BOP1: variants seen among roughly 807,000 people sequenced by gnomAD.
BOP1 encodes ribosome biogenesis protein BOP1.
A neutral mutation model predicts 82.9 loss-of-function variants in BOP1; 54 were observed. The observed-to-expected ratio is 0.65, with a 90% CI of 0.52 to 0.82. The LOEUF (loss-of-function observed/expected upper bound fraction) is 0.82. Ranked by LOEUF, BOP1 falls within the 40% of genes least tolerant of loss-of-function variation. BOP1 has a pLI of 0.00. For synonymous variants in BOP1, 566 were observed against 451.1 expected, an observed-to-expected ratio of 1.25 and a Z score of -3.23; for missense variants, 1,170 against 1,072.0, an observed-to-expected ratio of 1.09 and a Z score of -1.28.
chr8:144,289,274 G>A lies in BOP1; in HGVS notation c.130C>T (p.His44Tyr), dbSNP rs782001952. 43 of 1,613,966 alleles carry A rather than the reference G, an allele frequency of 2.7e-5. No individual in the cohort carries two copies. The highest frequency in any genetic ancestry group is 3.6e-5 in the Non-Finnish European group (42 of 1,180,022). ...PPLLCTSPLSHSTGSDSGVSD... is the reference protein window; with the variant it reads ...PPLLCTSPLSYSTGSDSGVSD... ...ACGCCAGAATCGCTGCCGGTGCTGTGGCTGAGAGGAGAGGTGCAGAGGAGG... is the reference window on the plus strand; with the variant it reads ...ACGCCAGAATCGCTGCCGGTGCTGTAGCTGAGAGGAGAGGTGCAGAGGAGG... The change falls in exon 2 of 16, where the codon CAC becomes TAC. Residue 44 changes from histidine to tyrosine, a missense_variant. Coordinates refer to ENST00000569669, the MANE Select transcript of BOP1 (RefSeq NM_015201.5).
rs1440650014 is a variant in BOP1 at position 144,265,290 on chromosome 8, G to A, written c.391-219C>T. 1.5e-5 allele frequency: 9 copies of A among 611,144 alleles called. No individual in the cohort carries two copies. In the Admixed American group the frequency reaches 2.7e-4, roughly 18 times the overall value. The allele number at this position is 611,144 out of a possible 1,614,324, so 37.9% of individuals were successfully genotyped here. A position where few individuals can be genotyped will look rare whatever the true frequency, so the allele number is the denominator to read the frequency against. ...CACCCCCGCCCTCGGAGGCGCCGGA[G>A]CTGCACCTTCACATTTTCCACTGAA... On this transcript the variant is annotated intron_variant, in intron 3 of 15. Coordinates refer to ENST00000569669, the MANE Select transcript of BOP1 (RefSeq NM_015201.5).
intron 15 of BOP1, 24 bp from the exon 16 acceptor site, chr8:144,262,341 G>A (rs1845215013): frequency 6.2e-7 from 1 of 1,612,636 alleles, no homozygotes; most frequent in Non-Finnish European, 8.5e-7. Flanking sequence ...GAGGGCTCAG[G>A]GCACGGCCAG....
At chr8:144,288,590 C>T (rs1814948804) in intron 2 of BOP1, among the ~76,000 whole-genome samples, 1 of 152,106 alleles carries the variant, frequency 6.6e-6, no homozygotes, top group African/African-American at 2.4e-5. Context: ...TGCTTTTCTC[C>T]TGTTGTTCTC....
chr8:144,262,996 CGCTGCACCTGTCCGTG>C lies in BOP1; in HGVS notation c.1735_1750del (p.His579GlufsTer33), dbSNP rs1845261145. 1.3e-6 allele frequency: 2 copies of C among 1,555,316 alleles called. No individual in the cohort carries two copies. Among genetic ancestry groups the C allele is most frequent in the Non-Finnish European group, 1.7e-6 (2 of 1,158,092 alleles). On this transcript the variant is annotated frameshift_variant, in exon 13 of 16. Coordinates refer to ENST00000569669, the MANE Select transcript of BOP1 (RefSeq NM_015201.5). LOFTEE classifies it high-confidence loss of function. ...GGGCCGGGCAGGGTGGAAGGCCACT[CGCTGCACCTGTCCGTG>C]GCTGCGGCGGAACGGACTCTGGCTG... is the stretch of plus-strand genomic sequence containing the variant.
At position 144,291,299 on chromosome 8, in the gene BOP1, G is replaced by A. The variant is rs1554840179; in HGVS notation, c.72C>T (p.Pro24=). 1.4e-6 allele frequency: 2 copies of A among 1,450,398 alleles called. No homozygotes were observed. Among genetic ancestry groups the A allele is most frequent in the Admixed American group, 2.5e-5 (1 of 40,226 alleles). 89.8% of individuals were successfully genotyped at this position (1,450,398 alleles called of 1,614,324 possible). Residue 24 remains proline (P), a synonymous_variant, in exon 1 of 16, where the codon CCC becomes CCT. Transcript: ENST00000569669. This position sits in a 1 kb window ranked among gnomAD's most constrained non-coding sequence, Gnocchi z 4.1. Reference sequence around the variant, plus strand: ...CCGGCTCGGGCTCAGGCTCCAGTTCGGGCTCAGACCGCCGCTTCTCCGGCC... The same window carrying A: ...CCGGCTCGGGCTCAGGCTCCAGTTCAGGCTCAGACCGCCGCTTCTCCGGCC... ...SVRPEKRRSE[P]ELEPEPEPEP...
At chr8:144,280,348 C>T (rs958095597) in intron 2 of BOP1, among the ~76,000 whole-genome samples, 4 of 152,358 alleles carry the variant, frequency 2.6e-5, no homozygotes, top group Admixed American at 6.5e-5. Context: ...TTTCCAGACT[C>T]CACAGAGCTG....
chr8:144,290,952 G>A (rs1815046369), intron 1 of BOP1, among the ~76,000 whole-genome samples: 1 of 152,232 alleles, frequency 6.6e-6, no homozygotes, highest in African/African-American at 2.4e-5. Context: ...CGTATACGTA[G>A]GTTAAGCATT....
Position 144,262,192 on chromosome 8 carries a change from G to A in BOP1, c.2213C>T (p.Ala738Val). The A allele has an allele frequency of 1.2e-6, 2 of 1,612,668 alleles. No homozygotes were observed. The highest frequency in any genetic ancestry group is 1.1e-5 in the South Asian group (1 of 91,048). ...GGTGAAGAGGCGGACAGTCCCGTCT[G>A]CCCCCGAGGAGAAGACCCACGGCTG... ...PTQPWVFSSGADGTVRLFT is the reference protein window; with the variant it reads ...PTQPWVFSSGVDGTVRLFT The change falls in exon 16 of 16, where the codon GCA becomes GTA. Residue 738 changes from alanine to valine, a missense_variant. Transcript: ENST00000569669.
chr8:144,275,478 CAG>C, intron 3 of BOP1, among the ~76,000 whole-genome samples: 1 of 151,590 alleles, frequency 6.6e-6, no homozygotes, highest in South Asian at 2.1e-4. Context: ...TGGCGGAGCC[CAG>C]CCCGGTGCCA....
chr8:144,264,906 CCAGCCCT>C lies in BOP1; in HGVS notation c.545+4_545+10del. The C allele has an allele frequency of 6.2e-7, 1 of 1,611,066 alleles. No individual in the cohort carries two copies. Among genetic ancestry groups the C allele is most frequent in the Non-Finnish European group, 8.5e-7 (1 of 1,179,600 alleles). ...CACCCCGGCTGCTGGCCCCACCCCACCAGCCCTCACCAGTAGTCAGGATCGTCCATCT... is the reference window on the plus strand; with the variant it reads ...CACCCCGGCTGCTGGCCCCACCCCACCACCAGTAGTCAGGATCGTCCATCT... On this transcript the variant is annotated splice_donor_5th_base_variant and intron_variant, in intron 4 of 15. Transcript: ENST00000569669.
Position 144,262,888 on chromosome 8 carries a change from C to T in BOP1, c.1859G>A (p.Cys620Tyr), listed in dbSNP as rs1335332244. Residue 620 changes from cysteine (C) to tyrosine (Y), a missense_variant, in exon 13 of 16, where the codon TGC (cysteine) becomes TAC (tyrosine). By Grantham distance (194) the Cys-to-Tyr change is radical. Coordinates refer to ENST00000569669, the MANE Select transcript of BOP1 (RefSeq NM_015201.5). The stretch of plus-strand genomic sequence containing the variant: ...CACCGCCAGGCTGGACACCCACTTG[C>T]AGTTGGGCATCAGCTTCTTGGTGAG... ...QELTKKLMPNCKWVSSLAVHP... is the reference protein window; with the variant it reads ...QELTKKLMPNYKWVSSLAVHP... The T allele has an allele frequency of 1.3e-6, 2 of 1,546,674 alleles. No homozygotes were observed. Among genetic ancestry groups the T allele is most frequent in the African/African-American group, 1.4e-5 (1 of 72,128 alleles).
chr8:144,276,115 C>A, intron 3 of BOP1, 109 bp downstream of exon 3: 1 of 1,288,152 alleles, frequency 7.8e-7, no homozygotes. Flanking sequence ...GGCCCACCTG[C>A]GGCAGGTCCC....
In BOP1 at chr8:144,263,788, C is replaced by T. The variant is rs912650236; in HGVS notation, c.1222-27G>A. The T allele has an allele frequency of 1.1e-5, 17 of 1,603,338 alleles. No homozygotes were observed. In the South Asian group the frequency reaches 1.7e-4, roughly 16 times the overall value. ...TGAGGAGGCGGCGGCAGTGAGGAGT[C>T]AGACTGGGAGGGTGCAACCCCAGCC... On this transcript the variant is annotated intron_variant, in intron 9 of 15. Coordinates refer to ENST00000569669, the MANE Select transcript of BOP1 (RefSeq NM_015201.5).
chr8:144,265,372 A>T, intron 3 of BOP1: 1 of 537,134 alleles, frequency 1.9e-6, no homozygotes, highest in South Asian at 2.2e-5. Flanking sequence ...GGCTCTGGGC[A>T]GCCACAGACA....
In BOP1 at chr8:144,289,216, AG is replaced by A; in HGVS notation, c.187del (p.Leu63TrpfsTer127). The A allele has an allele frequency of 6.2e-7, 1 of 1,614,030 alleles. No homozygotes were observed. Among genetic ancestry groups the A allele is most frequent in the East Asian group, 2.2e-5 (1 of 44,876 alleles). On this transcript the variant is annotated frameshift_variant, in exon 2 of 16. Coordinates refer to ENST00000569669, the MANE Select transcript of BOP1 (RefSeq NM_015201.5). LOFTEE classifies it high-confidence loss of function. ...SDSEESVFSG[L>X]EDSGSDSSED... Reference sequence around the variant, plus strand: ...ACTGCTGTCACTGCCGGAATCTTCCAGGCCTGAGAACACACTTTCCTCGCTG... The same window carrying A: ...ACTGCTGTCACTGCCGGAATCTTCCAGCCTGAGAACACACTTTCCTCGCTG...
chr8:144,269,460 G>C (rs1000488361), intron 3 of BOP1, among the ~76,000 whole-genome samples: 1 of 152,258 alleles, frequency 6.6e-6, no homozygotes, highest in African/African-American at 2.4e-5. Flanking sequence ...GCCCAGGACT[G>C]CCCCTCCTCT....
At chr8:144,273,409 G>T (rs1393338233) in intron 3 of BOP1, among the ~76,000 whole-genome samples, 1 of 151,382 alleles carries the variant, frequency 6.6e-6, no homozygotes, top group Non-Finnish European at 1.5e-5. Context: ...GAGGCCTCGT[G>T]GGGGACGGCC....
At chr8:144,276,038 A>G (rs1462993791) in intron 3 of BOP1, among the ~76,000 whole-genome samples, 186 bp downstream of exon 3, 1 of 152,210 alleles carries the variant, frequency 6.6e-6, no homozygotes, top group African/African-American at 2.4e-5. Context: ...CTTGTGTCCC[A>G]GACCCCGAAA....
At chr8:144,281,652 T>C (rs1490998594) in intron 2 of BOP1, 2 of 152,380 alleles carry the variant, frequency 1.3e-5, no homozygotes, top group Middle Eastern at 6.8e-3. Context: ...TCTTAGGCCT[T>C]CTCTTACTAG....
Sources: gnomAD v4.1 joint callset for allele counts (sites outside exome capture counted in the v4.1 genomes callset) on GRCh38, gnomAD v4.1.1 for gene constraint, Gnocchi (gnomAD v3.1) non-coding constraint, MANE v1.5 for transcripts, NCBI Gene and HGNC (gene_info 2026-07-23, HGNC 2026-07-21) for gene names.